The following RELN variants were observed in gnomAD, a reference collection of about 807,000 sequenced individuals.
RELN encodes the protein reelin.
A neutral mutation model predicts 427.6 loss-of-function variants in RELN; 108 were observed. That is an observed-to-expected ratio of 0.25 (90% CI 0.22 to 0.30). RELN has a LOEUF of 0.30. Among genes scored for constraint, RELN ranks in the 10% least tolerant of loss-of-function variants. The pLI, the probability that RELN is intolerant of heterozygous loss-of-function variation, is 1.00. For missense variants in RELN, 3,715 were observed against 4,302.8 expected (o/e 0.86, Z 3.82); for synonymous variants, 1,524 against 1,513.4 (o/e 1.01, Z -0.16).
chr7:103,886,932 T>C (rs902370851), intron 2 of RELN, among the ~76,000 whole-genome samples: 1 of 152,184 alleles, frequency 6.6e-6, no homozygotes, highest in Non-Finnish European at 1.5e-5. Flanking sequence ...CAAATACATG[T>C]AGCAGGATAA....
intron 3 of RELN, among the ~76,000 whole-genome samples, chr7:103,823,105 A>G (rs1793049708): frequency 6.6e-6 from 1 of 151,952 alleles, no homozygotes; most frequent in Non-Finnish European, 1.5e-5. Context: ...TTGCCCTTTT[A>G]TCCCTAATAA....
chr7:103,487,699 T>C (rs1828494264), intron 60 of RELN, among the ~76,000 whole-genome samples: 1 of 152,242 alleles, frequency 6.6e-6, no homozygotes, highest in Non-Finnish European at 1.5e-5. Context: ...ACTCTCACCC[T>C]GGTATGAGAG....
intron 5 of RELN, among the ~76,000 whole-genome samples, chr7:103,751,576 T>G (rs560233526): frequency 6.6e-6 from 1 of 152,328 alleles, no homozygotes; most frequent in African/African-American, 2.4e-5. Flanking sequence ...GATTTAATGA[T>G]TCCTCTGAGC....
intron 58 of RELN, 87 bp downstream of exon 58, chr7:103,491,866 A>T (rs111750407): frequency 1.2e-4 from 61 of 511,252 alleles, no homozygotes; most frequent in Middle Eastern, 4.4e-4. Flanking sequence ...TCACACACAC[A>T]CACACACACA....
At chr7:103,833,342 T>C (rs1793320841) in intron 3 of RELN, among the ~76,000 whole-genome samples, 195 bp downstream of exon 3, 1 of 152,214 alleles carries the variant, frequency 6.6e-6, no homozygotes, top group African/African-American at 2.4e-5. Flanking sequence ...TGGAGGTACA[T>C]ATAACTATGC....
rs541410417 is a variant in RELN at position 103,905,509 on chromosome 7, TAA to T, written c.337+11564_337+11565del. Among the ~76,000 whole-genome samples, 93 of 152,260 alleles carry T rather than the reference TAA, an allele frequency of 6.1e-4. No homozygotes were observed. The Middle Eastern group carries it at 0.024, about 39-fold the overall frequency. On this transcript the variant is annotated intron_variant, in intron 2 of 64. Transcript: ENST00000428762. ...GAAATATCCTCAAACTTAAAGACAG[TAA>T]TACTTTCCTCCCCACCCGCCACCCC...
At chr7:103,783,508 A>T (rs927545025) in intron 3 of RELN, among the ~76,000 whole-genome samples, 2 of 152,140 alleles carry the variant, frequency 1.3e-5, no homozygotes, top group African/African-American at 4.8e-5. Flanking sequence ...TTATAGTTAC[A>T]TCTTTTATTC....
intron 57 of RELN, among the ~76,000 whole-genome samples, chr7:103,493,053 G>C (rs916942419): frequency 6.6e-6 from 1 of 152,144 alleles, no homozygotes; most frequent in African/African-American, 2.4e-5. Flanking sequence ...GGTAAGTGAT[G>C]GAGAGTCATT....
At chr7:103,675,934 C>T (rs1041734433) in intron 11 of RELN, among the ~76,000 whole-genome samples, 1 of 151,990 alleles carries the variant, frequency 6.6e-6, no homozygotes, top group African/African-American at 2.4e-5. Context: ...CCATAAATAC[C>T]CTAGAAGAAA....
At chr7:103,749,272 G>A (rs1790933241) in intron 6 of RELN, among the ~76,000 whole-genome samples, 154 bp downstream of exon 6, 1 of 152,120 alleles carries the variant, frequency 6.6e-6, no homozygotes, top group Non-Finnish European at 1.5e-5. Context: ...ATTATATGCA[G>A]TCTACATTAA....
intron 6 of RELN, among the ~76,000 whole-genome samples, chr7:103,741,823 G>T (rs1177864641): frequency 6.6e-6 from 1 of 152,206 alleles, no homozygotes; most frequent in African/African-American, 2.4e-5. Flanking sequence ...GAGCCAAGAT[G>T]GCCGAATAGG....
At chr7:103,737,418 T>C (rs1790522045) in intron 6 of RELN, among the ~76,000 whole-genome samples, 1 of 152,228 alleles carries the variant, frequency 6.6e-6, no homozygotes, top group Admixed American at 6.5e-5. Context: ...TATATTGTAG[T>C]TCTCACACTT....
At chr7:103,937,946 C>G (rs980854016) in intron 1 of RELN, among the ~76,000 whole-genome samples, 1 of 152,154 alleles carries the variant, frequency 6.6e-6, no homozygotes, top group Middle Eastern at 3.2e-3. Flanking sequence ...TCACCCCATC[C>G]CCACTAACCT....
intron 8 of RELN, among the ~76,000 whole-genome samples, chr7:103,711,590 G>C (rs1487232983): frequency 6.6e-6 from 1 of 152,040 alleles, no homozygotes; most frequent in Non-Finnish European, 1.5e-5. Context: ...ATTTATATAT[G>C]GAAATGAATC....
In RELN at chr7:103,491,863, C is replaced by G; in HGVS notation, c.9443+90G>C. 6.5e-6 allele frequency: 3 copies of G among 463,896 alleles called. No homozygotes were observed. The Admixed American group carries it at 8.5e-5, about 13-fold the overall frequency. 28.7% of individuals were successfully genotyped at this position (463,896 alleles called of 1,614,324 possible). On this transcript the variant is annotated intron_variant, in intron 58 of 64. Coordinates refer to ENST00000428762, the MANE Select transcript of RELN (RefSeq NM_005045.4). ...TCTCTCTCTCTCTCTCTCTCACACA[C>G]ACACACACACACACACACACACACA...
In RELN at chr7:103,700,981, A is replaced by G. The variant is rs398124192; in HGVS notation, c.831T>C (p.Tyr277=). 5 of 1,611,642 alleles carry G rather than the reference A, an allele frequency of 3.1e-6. No individual in the cohort carries two copies. Among genetic ancestry groups the G allele is most frequent in the South Asian group, 2.2e-5 (2 of 91,020 alleles). ...ATAACACGATGATGCTGGGGTCTGA[A>G]TAACTAAAGCGACATGAACCTGACC... is the stretch of plus-strand genomic sequence containing the variant. The part of the protein sequence containing the change: ...SIGSGSCRFS[Y]SDPSIIVLYA... Residue 277 remains tyrosine, a synonymous_variant, in exon 9 of 65, where the codon TAT becomes TAC. Coordinates refer to ENST00000428762, the MANE Select transcript of RELN (RefSeq NM_005045.4).
At chr7:103,906,770 C>A (rs1294757023) in intron 2 of RELN, among the ~76,000 whole-genome samples, 1 of 152,118 alleles carries the variant, frequency 6.6e-6, no homozygotes, top group Non-Finnish European at 1.5e-5. Context: ...GATACAGTGG[C>A]CTATCTCTCC....
chr7:103,744,199 T>C (rs916845270), intron 6 of RELN, among the ~76,000 whole-genome samples: 3 of 152,144 alleles, frequency 2.0e-5, no homozygotes, highest in African/African-American at 7.2e-5. Flanking sequence ...GAAATAAAGA[T>C]GTTCTTTGAA....
intron 40 of RELN, among the ~76,000 whole-genome samples, chr7:103,552,923 A>C (rs1356148101): frequency 6.6e-6 from 1 of 152,124 alleles, no homozygotes; most frequent in African/African-American, 2.4e-5. Context: ...ATTTTATCTA[A>C]GTTTTTGAAA....
Sources: allele counts gnomAD v4.1 joint callset (sites outside exome capture counted in the v4.1 genomes callset), GRCh38; gene constraint gnomAD v4.1.1; transcripts MANE v1.5; gene names NCBI Gene and HGNC (gene_info 2026-07-23, HGNC 2026-07-21).